PID1: variants seen among roughly 807,000 people sequenced by gnomAD.
PID1 encodes the protein phosphotyrosine interaction domain containing 1, also known as PTB-containing, cubilin and LRP1-interacting protein.
PID1 carries 10 observed loss-of-function variants against 19.1 expected under a neutral mutation model. The ratio of observed to expected loss-of-function variants is 0.52; its 90% CI spans 0.32 to 0.89. The LOEUF (loss-of-function observed/expected upper bound fraction) is 0.89. PID1 is among the 40% of genes least tolerant of loss of function. The pLI, the probability that PID1 is intolerant of heterozygous loss-of-function variation, is 0.03. For missense variants in PID1, 248 were observed against 285.3 expected (o/e 0.87, Z 0.94); for synonymous variants, 130 against 116.0 (o/e 1.12, Z -0.78).
intron 2 of PID1, among the ~76,000 whole-genome samples, chr2:229,067,687 A>G (rs1455656716): frequency 1.3e-5 from 2 of 152,098 alleles, no homozygotes; most frequent in African/African-American, 4.8e-5. Context: ...GCCTCCCCCG[A>G]TAGGATAATG....
At chr2:229,139,101 A>AAGAGAG in intron 2 of PID1, among the ~76,000 whole-genome samples, 1 of 77,356 alleles carries the variant, frequency 1.3e-5, no homozygotes, top group African/African-American at 6.2e-5. Context: ...GAAAGAAAGA[A>AAGAGAG]AGAAAGAAAG....
chr2:229,189,431 A>G (rs1384527224), intron 1 of PID1, among the ~76,000 whole-genome samples: 1 of 152,250 alleles, frequency 6.6e-6, no homozygotes, highest in African/African-American at 2.4e-5. Context: ...GCAGTGGCTC[A>G]TGCCTGTAAT....
chr2:229,170,465 T>G (rs1690688916), intron 1 of PID1, among the ~76,000 whole-genome samples: 1 of 152,194 alleles, frequency 6.6e-6, no homozygotes, highest in Non-Finnish European at 1.5e-5. Flanking sequence ...TACAAAAATT[T>G]TTATTCTTTT....
At chr2:229,195,617 C>G (rs1458227804) in intron 1 of PID1, among the ~76,000 whole-genome samples, 1 of 151,692 alleles carries the variant, frequency 6.6e-6, no homozygotes, top group African/African-American at 2.4e-5. Flanking sequence ...GTGATATGTC[C>G]TAGAGATAAT....
chr2:229,172,866 G>T (rs1690738867), intron 1 of PID1, among the ~76,000 whole-genome samples: 2 of 152,042 alleles, frequency 1.3e-5, no homozygotes, highest in African/African-American at 4.8e-5. Context: ...TGAGCAGCAG[G>T]GATTACAAGT....
chr2:229,160,208 C>T (rs907714073), intron 1 of PID1, among the ~76,000 whole-genome samples: 10 of 152,264 alleles, frequency 6.6e-5, no homozygotes, highest in African/African-American at 9.6e-5. Flanking sequence ...CTGGAAGTTC[C>T]GAGATGGTCT....
At chr2:229,099,601 T>C (rs904408277) in intron 2 of PID1, among the ~76,000 whole-genome samples, 3 of 152,168 alleles carry the variant, frequency 2.0e-5, no homozygotes, top group African/African-American at 7.2e-5. Context: ...CTGAATGTGA[T>C]GCTCCAACAG....
intron 1 of PID1, among the ~76,000 whole-genome samples, chr2:229,230,998 C>T (rs1692193179): frequency 6.6e-6 from 1 of 151,966 alleles, no homozygotes; most frequent in African/African-American, 2.4e-5. Flanking sequence ...CAGTCAACTC[C>T]TCTTACTTTT....
At chr2:229,056,129 T>A (rs548664497) in intron 2 of PID1, among the ~76,000 whole-genome samples, 1 of 151,700 alleles carries the variant, frequency 6.6e-6, no homozygotes, top group South Asian at 2.1e-4. Flanking sequence ...GAAGTCTCAG[T>A]GGCTGGTCTC....
intron 2 of PID1, among the ~76,000 whole-genome samples, chr2:229,138,070 C>T (rs1390598322): frequency 6.6e-6 from 1 of 152,148 alleles, no homozygotes; most frequent in Non-Finnish European, 1.5e-5. Context: ...AATGGAGAAA[C>T]CACATTCCTA....
intron 2 of PID1, among the ~76,000 whole-genome samples, chr2:229,027,898 TC>T (rs144713330): frequency 0.014 from 2,070 of 152,212 alleles, 45 homozygotes; most frequent in African/African-American, 0.046. Flanking sequence ...GCGTCGTTGC[TC>T]CTCTGGAATG....
At chr2:229,243,663 AT>A (rs966107806) in intron 1 of PID1, among the ~76,000 whole-genome samples, 4 of 152,146 alleles carry the variant, frequency 2.6e-5, no homozygotes, top group African/African-American at 9.7e-5. Flanking sequence ...AAGCCCAAAG[AT>A]GAAAAACAAG....
chr2:229,027,115 G>A (rs16825592), intron 2 of PID1, among the ~76,000 whole-genome samples: 1,837 of 152,286 alleles, frequency 0.012, 31 homozygotes, highest in African/African-American at 0.041. Context: ...CGTGGAAACC[G>A]TGAGAACTGA....
At chr2:229,081,242 CCACT>C (rs1389572911) in intron 2 of PID1, among the ~76,000 whole-genome samples, 2 of 152,146 alleles carry the variant, frequency 1.3e-5, no homozygotes, top group Non-Finnish European at 1.5e-5. Context: ...TGAAAACTTA[CCACT>C]CAGCAGACCT....
intron 1 of PID1, among the ~76,000 whole-genome samples, chr2:229,216,309 T>G (rs892497016): frequency 6.6e-6 from 1 of 152,198 alleles, no homozygotes; most frequent in African/African-American, 2.4e-5. Context: ...TCAGACTCAT[T>G]GGAAGGTTTC....
rs148081533 is a variant in PID1, at chr2:229,228,252, A to G, written c.30+42762T>C. Among the ~76,000 whole-genome samples the G allele has an allele frequency of 5.6e-3, 843 of 150,718 alleles. 6 individuals are homozygous for G. Among genetic ancestry groups the G allele is most frequent in the African/African-American group, 0.02 (811 of 41,494 alleles). On this transcript the variant is annotated intron_variant, in intron 1 of 2. Coordinates refer to ENST00000392055, the MANE Select transcript of PID1 (RefSeq NM_001100818.2). ...ACTTGTTCATATGACTATGAAAAGG[A>G]TTTCTATTAGGAGCAGTCATTTTCT...
intron 2 of PID1, among the ~76,000 whole-genome samples, chr2:229,127,280 T>C (rs1489718502): frequency 6.6e-6 from 1 of 152,208 alleles, no homozygotes; most frequent in Non-Finnish European, 1.5e-5. Context: ...GGCCTAATAA[T>C]TGTATCTACT....
chr2:229,051,126 C>T (rs981981229), intron 2 of PID1, among the ~76,000 whole-genome samples: 2 of 152,120 alleles, frequency 1.3e-5, no homozygotes, highest in Non-Finnish European at 2.9e-5. Context: ...TAGTCTCACT[C>T]CATGACTATT....
chr2:229,043,190 G>A (rs1693808289), intron 2 of PID1, among the ~76,000 whole-genome samples: 1 of 151,974 alleles, frequency 6.6e-6, no homozygotes, highest in South Asian at 2.1e-4. Context: ...ATTTTTAGTA[G>A]GGACGAGGTT....
Sources: allele counts gnomAD v4.1 joint callset (sites outside exome capture counted in the v4.1 genomes callset), GRCh38; gene constraint gnomAD v4.1.1; transcripts MANE v1.5; gene names NCBI Gene and HGNC (gene_info 2026-07-23, HGNC 2026-07-21).